Variants in CPED1 observed in about 807,000 individuals in gnomAD.
CPED1 encodes the protein cadherin-like and PC-esterase domain-containing protein 1.
A neutral mutation model predicts 128.2 loss-of-function variants in CPED1; 114 were observed. The ratio of observed to expected loss-of-function variants is 0.89; its 90% CI spans 0.76 to 1.04. The LOEUF is 1.04. Among genes scored for constraint, CPED1 ranks in the 50% least tolerant of loss-of-function variants. CPED1 has a pLI of 0.00. For missense variants in CPED1, 1,211 were observed against 1,207.1 expected (o/e 1.00, Z -0.05); for synonymous variants, 462 against 426.7 (o/e 1.08, Z -1.02).
At chr7:121,150,544 A>G (rs1796134140) in intron 16 of CPED1, among the ~76,000 whole-genome samples, 2 of 151,952 alleles carry the variant, frequency 1.3e-5, no homozygotes, top group Admixed American at 6.6e-5. Flanking sequence ...TGGTAGAATA[A>G]TTTTTGTTTT....
At chr7:121,181,008 A>G (rs1034536176) in intron 16 of CPED1, among the ~76,000 whole-genome samples, 5 of 152,046 alleles carry the variant, frequency 3.3e-5, no homozygotes, top group Non-Finnish European at 7.4e-5. Context: ...TTTTCACAAA[A>G]TAATATTTTA....
At chr7:121,118,848 CT>C (rs1425483368) in intron 7 of CPED1, among the ~76,000 whole-genome samples, 3 of 152,012 alleles carry the variant, frequency 2.0e-5, no homozygotes. Context: ...AGGCATCGCA[CT>C]TTAAAAACTA....
intron 2 of CPED1, chr7:120,994,217 C>A (rs558461547): frequency 6.6e-6 from 1 of 152,620 alleles, no homozygotes; most frequent in African/African-American, 2.4e-5. Context: ...CAAGAGGCCT[C>A]TCTTCTTTTA....
At chr7:121,290,022 G>A (rs184913954) in intron 22 of CPED1, among the ~76,000 whole-genome samples, 13 of 152,076 alleles carry the variant, frequency 8.5e-5, no homozygotes, top group African/African-American at 2.7e-4. Flanking sequence ...TGTTCTCATC[G>A]TTCAACTCCC....
chr7:121,057,373 G>A (rs1364726361), intron 4 of CPED1, among the ~76,000 whole-genome samples: 1 of 152,114 alleles, frequency 6.6e-6, no homozygotes, highest in South Asian at 2.1e-4. Flanking sequence ...GAGGTTTGGG[G>A]TATGATTTTA....
intron 16 of CPED1, among the ~76,000 whole-genome samples, chr7:121,228,525 T>C (rs1446762895): frequency 4.0e-5 from 6 of 148,836 alleles, no homozygotes; most frequent in Admixed American, 3.4e-4. Context: ...AGAACTCTTA[T>C]ACACTCTTGG....
chr7:121,054,522 T>A lies in CPED1; in HGVS notation c.540+7529T>A, dbSNP rs1793443399. ...TGTCTAATAATATTCAGTCGAAATA[T>A]TATTTTCTGAAGGTAGGGCATATCT... On this transcript the variant is annotated intron_variant, in intron 4 of 22. Transcript: ENST00000310396. 2.0e-5 allele frequency among the ~76,000 whole-genome samples: 3 copies of A among 152,308 alleles called. No individual in the cohort carries two copies. In the East Asian group the frequency reaches 5.8e-4, roughly 29 times the overall value.
chr7:121,184,552 A>G (rs951009850), intron 16 of CPED1, among the ~76,000 whole-genome samples: 2 of 152,170 alleles, frequency 1.3e-5, no homozygotes, highest in Admixed American at 1.3e-4. Context: ...TTTATTTCCT[A>G]CAGAAAACTA....
intron 2 of CPED1, among the ~76,000 whole-genome samples, chr7:121,012,002 C>T (rs903977104): frequency 6.6e-6 from 1 of 152,118 alleles, no homozygotes; most frequent in African/African-American, 2.4e-5. Flanking sequence ...CCAATACAAC[C>T]TCATATAGTA....
chr7:121,073,658 T>G (rs1794048406), intron 5 of CPED1, among the ~76,000 whole-genome samples: 1 of 152,198 alleles, frequency 6.6e-6, no homozygotes, highest in Non-Finnish European at 1.5e-5. Context: ...CTTCTTCATC[T>G]TCTTCATGAT....
At chr7:121,003,763 G>C (rs1487333756) in intron 2 of CPED1, among the ~76,000 whole-genome samples, 1 of 152,304 alleles carries the variant, frequency 6.6e-6, no homozygotes, top group East Asian at 1.9e-4. Flanking sequence ...TCTCAGTCAG[G>C]TTGGAGAAAG....
rs2116322209 is a variant in CPED1, at chr7:121,127,131, T to C, written c.1176T>C (p.Asp392=). The C allele has an allele frequency of 6.2e-7, 1 of 1,603,196 alleles. No individual in the cohort carries two copies. Among genetic ancestry groups the C allele is most frequent in the Admixed American group, 1.7e-5 (1 of 59,088 alleles). ...ATTTTCAAGATTATGATAATATGGA[T>C]TTTGAGGACCAAAATACAGAAGAAT... ...HLNFQDYDNM[D]FEDQNTEEFL... The change falls in exon 10 of 23, where the codon GAT becomes GAC. Residue 392 remains aspartate (D), a synonymous_variant. Transcript: ENST00000310396.
At chr7:120,997,367 C>G (rs1201572183) in intron 2 of CPED1, among the ~76,000 whole-genome samples, 1 of 152,172 alleles carries the variant, frequency 6.6e-6, no homozygotes, top group Non-Finnish European at 1.5e-5. Flanking sequence ...CTCAAAGTAA[C>G]ATAACAAGTT....
intron 4 of CPED1, among the ~76,000 whole-genome samples, chr7:121,057,048 G>C (rs1793515767): frequency 6.6e-6 from 1 of 151,920 alleles, no homozygotes; most frequent in Non-Finnish European, 1.5e-5. Context: ...CGCAATCTCG[G>C]CTCACTGAAA....
chr7:121,117,094 T>TATATATATAA (rs1554437019), intron 7 of CPED1, among the ~76,000 whole-genome samples: 1 of 142,594 alleles, frequency 7.0e-6, no homozygotes, highest in Non-Finnish European at 1.5e-5. Flanking sequence ...TATATATATA[T>TATATATATAA]ATATAAATAT....
chr7:121,041,391 T>C (rs891523666), intron 3 of CPED1, among the ~76,000 whole-genome samples: 12 of 151,948 alleles, frequency 7.9e-5, no homozygotes, highest in Non-Finnish European at 1.8e-4. Flanking sequence ...AAAATATATA[T>C]ATATATATAA....
Position 121,136,142 on chromosome 7 carries a change from C to A in CPED1, c.1699+52C>A, listed in dbSNP as rs772039318. The A allele has an allele frequency of 1.0e-5, 15 of 1,493,716 alleles. No individual in the cohort carries two copies. The African/African-American group carries it at 1.6e-4, about 16-fold the overall frequency. 92.5% of individuals were successfully genotyped at this position (1,493,716 alleles called of 1,614,324 possible). A position where few individuals can be genotyped will look rare whatever the true frequency, so the allele number is the denominator to read the frequency against. ...AGCATAATAAACAATTAGGGAACAGCCTTACTTTGAAAAAAAATGCATCAT... is the reference window on the plus strand; with the variant it reads ...AGCATAATAAACAATTAGGGAACAGACTTACTTTGAAAAAAAATGCATCAT... On this transcript the variant is annotated intron_variant, in intron 14 of 22. Transcript: ENST00000310396.
At position 121,052,744 on chromosome 7, in the gene CPED1, CAG is replaced by C. The variant is rs374764026; in HGVS notation, c.540+5754_540+5755del. ...TTAAATTTTTATTGTTTTTGGGAGACAGAGTCTCACTCTGTCTCTCAGGCCTG... is the reference window on the plus strand; with the variant it reads ...TTAAATTTTTATTGTTTTTGGGAGACAGTCTCACTCTGTCTCTCAGGCCTG... On this transcript the variant is annotated intron_variant, in intron 4 of 22. Coordinates refer to ENST00000310396, the MANE Select transcript of CPED1 (RefSeq NM_024913.5). 3.9e-5 allele frequency among the ~76,000 whole-genome samples: 6 copies of C among 152,218 alleles called. 1 individual carries two copies. The highest frequency in any genetic ancestry group is 1.4e-4 in the African/African-American group (6 of 41,544).
At chr7:120,991,631 A>T (rs920988756) in intron 2 of CPED1, among the ~76,000 whole-genome samples, 2 of 152,192 alleles carry the variant, frequency 1.3e-5, no homozygotes, top group African/African-American at 4.8e-5. Flanking sequence ...TAATTTAGGC[A>T]TATGTTAGCT....
Sources: gnomAD v4.1 joint callset for allele counts (sites outside exome capture counted in the v4.1 genomes callset) on GRCh38, gnomAD v4.1.1 for gene constraint, MANE v1.5 for transcripts, NCBI Gene and HGNC (gene_info 2026-07-23, HGNC 2026-07-21) for gene names.